The following CCL22 variants were observed in gnomAD, a reference collection of about 807,000 sequenced individuals.
CCL22 encodes C-C motif chemokine 22.
A neutral mutation model predicts 7.6 loss-of-function variants in CCL22; 7 were observed. That is an observed-to-expected ratio of 0.92 (90% CI 0.52 to 1.72). CCL22 has a LOEUF of 1.72. Among genes scored for constraint, CCL22 ranks in the 40% most tolerant of loss-of-function variants. The pLI, the probability that CCL22 is intolerant of heterozygous loss-of-function variation, is 0.00. For synonymous variants in CCL22, 55 were observed against 47.2 expected (o/e 1.17, Z -0.68); for missense variants, 115 against 124.7 (o/e 0.92, Z 0.37).
intron 1 of CCL22, among the ~76,000 whole-genome samples, chr16:57,359,960 C>T (rs1902030182): frequency 6.6e-6 from 1 of 152,082 alleles, no homozygotes. Context: ...CAGAACCTGT[C>T]CTCAGCATGG....
At chr16:57,358,145 C>T (rs1456624082), upstream of CCL22, among the ~76,000 whole-genome samples, 1 of 152,012 alleles carries the variant, frequency 6.6e-6, no homozygotes, top group Admixed American at 6.6e-5. Flanking sequence ...GGGACATGGA[C>T]ATGGTGAGGG....
chr16:57,358,957 C>T, intron 1 of CCL22, 68 bp downstream of exon 1: 1 of 1,230,654 alleles, frequency 8.1e-7, no homozygotes, highest in Non-Finnish European at 1.2e-6. Flanking sequence ...TTCCTCATGT[C>T]TTGGACAAGC....
At position 57,363,648 on chromosome 16, in the gene CCL22, C is replaced by T. The variant is rs1902073980; in HGVS notation, c.*60C>T. On this transcript the variant is annotated 3_prime_UTR_variant, in exon 3 of 3. Transcript: ENST00000219235. ...CCAGGAAGGCTCAGGAGCCCTACCT[C>T]CCTGCCATTATAGCTGCTCCCCGCC... is the stretch of plus-strand genomic sequence containing the variant. 1 of 1,040,000 alleles carries T rather than the reference C, an allele frequency of 9.6e-7. No homozygotes were observed. Among genetic ancestry groups the T allele is most frequent in the Non-Finnish European group, 1.5e-6 (1 of 662,088 alleles). 64.4% of individuals were successfully genotyped at this position (1,040,000 alleles called of 1,614,324 possible). A position where few individuals can be genotyped will look rare whatever the true frequency, so the allele number is the denominator to read the frequency against.
intron 2 of CCL22, 83 bp downstream of exon 2, chr16:57,360,643 A>C: frequency 2.7e-6 from 4 of 1,494,482 alleles, no homozygotes; most frequent in Non-Finnish European, 3.7e-6. Context: ...TGGGTGGGAC[A>C]CACCCAGGGA....
At chr16:57,362,589 A>G (rs1412909362) in intron 2 of CCL22, among the ~76,000 whole-genome samples, 1 of 151,952 alleles carries the variant, frequency 6.6e-6, no homozygotes, top group East Asian at 1.9e-4. Flanking sequence ...GGCTTGGCGC[A>G]GTGGCTCACT....
intron 2 of CCL22, among the ~76,000 whole-genome samples, chr16:57,363,259 T>G (rs1232486381): frequency 6.6e-6 from 1 of 152,148 alleles, no homozygotes; most frequent in Non-Finnish European, 1.5e-5. Context: ...CCTCCCAAAG[T>G]GCTGGGATTA....
At position 57,366,059 on chromosome 16, in the gene CCL22, A is replaced by G. The variant is rs223825; in HGVS notation, c.*2471A>G. 145,186 of 152,492 alleles carry G rather than the reference A, an allele frequency of 0.95. 69,221 individuals are homozygous for G. Among genetic ancestry groups the G allele is most frequent in the African/African-American group, 0.99 (41,047 of 41,588 alleles). 9.4% of individuals were successfully genotyped at this position (152,492 alleles called of 1,614,324 possible). On this transcript the variant is annotated 3_prime_UTR_variant, in exon 3 of 3. Coordinates refer to ENST00000219235, the MANE Select transcript of CCL22 (RefSeq NM_002990.5). ...TCCCGAACCCAGGGTCAACCTGCCT[A>G]CCACAGGCACTAGAAGGACGAATCT... is the stretch of plus-strand genomic sequence containing the variant.
intron 1 of CCL22, among the ~76,000 whole-genome samples, chr16:57,359,728 G>A (rs1455515744): frequency 1.3e-5 from 2 of 151,988 alleles, no homozygotes; most frequent in Admixed American, 6.6e-5. Context: ...CACCTCTGGA[G>A]TTAAAGTGAT....
upstream of CCL22, among the ~76,000 whole-genome samples, chr16:57,358,155 G>A (rs1161144213): frequency 6.6e-6 from 1 of 152,170 alleles, no homozygotes; most frequent in Non-Finnish European, 1.5e-5. Context: ...CATGGTGAGG[G>A]ACTGAGACAG....
In CCL22 at chr16:57,358,935, C is replaced by T. The variant is rs367584146; in HGVS notation, c.73+46C>T. On this transcript the variant is annotated intron_variant, in intron 1 of 2. Transcript: ENST00000219235. ...GACCCCCTACAGAGGCCAGGGCAGACGGTGGGGTGTCTTCCTCATGTCTTG... is the reference window on the plus strand; with the variant it reads ...GACCCCCTACAGAGGCCAGGGCAGATGGTGGGGTGTCTTCCTCATGTCTTG... 1.2e-4 allele frequency: 176 copies of T among 1,412,220 alleles called. 1 individual carries two copies. In the African/African-American group the frequency reaches 1.5e-3, roughly 12 times the overall value. The allele number at this position is 1,412,220 out of a possible 1,614,324, so 87.5% of individuals were successfully genotyped here.
At chr16:57,361,828 C>T (rs1248843815) in intron 2 of CCL22, among the ~76,000 whole-genome samples, 7 of 152,180 alleles carry the variant, frequency 4.6e-5, no homozygotes, top group Non-Finnish European at 8.8e-5. Flanking sequence ...ATTGCTGACA[C>T]CATCTCTTAG....
rs201050913 is a variant in CCL22, at chr16:57,363,593, C to T, written c.*5C>T. On this transcript the variant is annotated 3_prime_UTR_variant, in exon 3 of 3. Transcript: ENST00000219235. ...CTCAATAAGCTGAGCCAATGAAGAG[C>T]CTACTCTGATGACCGTGGCCTTGGC... The T allele has an allele frequency of 1.6e-4, 257 of 1,603,890 alleles. No individual in the cohort carries two copies. Among genetic ancestry groups the T allele is most frequent in the Non-Finnish European group, 2.1e-4 (244 of 1,170,780 alleles).
chr16:57,360,440 C>T lies in CCL22; in HGVS notation c.77C>T (p.Pro26Leu), dbSNP rs745743471. 1 of 1,614,224 alleles carries T rather than the reference C, an allele frequency of 6.2e-7. No individual in the cohort carries two copies. Among genetic ancestry groups the T allele is most frequent in the East Asian group, 2.2e-5 (1 of 44,890 alleles). ...AVALQATEAG[P>L]YGANMEDSVC... ...TCACTGGGGACCCCTCCCCTAGGCCCCTACGGCGCCAACATGGAAGACAGC... is the reference window on the plus strand; with the variant it reads ...TCACTGGGGACCCCTCCCCTAGGCCTCTACGGCGCCAACATGGAAGACAGC... Residue 26 changes from proline to leucine, a missense_variant, in exon 2 of 3, where the codon CCC becomes CTC. Transcript: ENST00000219235.
chr16:57,365,132 G>T lies in CCL22; in HGVS notation c.*1544G>T, dbSNP rs1469781334. 1.3e-5 allele frequency: 2 copies of T among 151,842 alleles called. No individual in the cohort carries two copies. The highest frequency in any genetic ancestry group is 2.9e-5 in the Non-Finnish European group (2 of 67,988). 9.4% of individuals were successfully genotyped at this position (151,842 alleles called of 1,614,324 possible). ...CTTTTTTTCCTAATAGGAGACTCCT[G>T]TACCTTTCTTCGTTTTACCTATGTG... On this transcript the variant is annotated 3_prime_UTR_variant, in exon 3 of 3. Transcript: ENST00000219235.
intron 1 of CCL22, among the ~76,000 whole-genome samples, chr16:57,359,321 A>ATTTT (rs1902023076): frequency 6.6e-6 from 1 of 151,802 alleles, no homozygotes; most frequent in Admixed American, 6.6e-5. Context: ...ATTTTATTTT[A>ATTTT]TTTTATTTTT....
intron 1 of CCL22, among the ~76,000 whole-genome samples, chr16:57,359,697 A>G (rs1403555155): frequency 6.6e-6 from 1 of 151,624 alleles, no homozygotes; most frequent in Non-Finnish European, 1.5e-5. Flanking sequence ...CAGTGGCGCA[A>G]TCTCAGCTCA....
chr16:57,358,936 G>T, intron 1 of CCL22, 47 bp downstream of exon 1: 1 of 1,406,262 alleles, frequency 7.1e-7, no homozygotes. Flanking sequence ...CAGGGCAGAC[G>T]GTGGGGTGTC....
chr16:57,360,985 C>T (rs1163172182), intron 2 of CCL22, among the ~76,000 whole-genome samples: 5 of 146,844 alleles, frequency 3.4e-5, no homozygotes, highest in African/African-American at 9.8e-5. Flanking sequence ...GTGAACCAGG[C>T]GTGGTGGCTC....
At chr16:57,359,479 C>A (rs187061004) in intron 1 of CCL22, among the ~76,000 whole-genome samples, 2 of 151,446 alleles carry the variant, frequency 1.3e-5, no homozygotes, top group Non-Finnish European at 2.9e-5. Context: ...CCACACCTGG[C>A]TAATTTTTGT....
Sources: allele counts gnomAD v4.1 joint callset (sites outside exome capture counted in the v4.1 genomes callset), GRCh38; gene constraint gnomAD v4.1.1; transcripts MANE v1.5; gene names NCBI Gene and HGNC (gene_info 2026-07-23, HGNC 2026-07-21).